Variants in GLMN observed in about 807,000 individuals in gnomAD.
The protein encoded by GLMN is glomulin, FKBP associated protein, also known as glomulin.
Under a neutral mutation model 87.8 loss-of-function variants are expected in GLMN, and 75 were observed. That is an observed-to-expected ratio of 0.85 (90% CI 0.71 to 1.04). GLMN has a LOEUF of 1.04. Ranked by LOEUF, GLMN falls within the 50% of genes least tolerant of loss-of-function variation. The pLI is 0.00. For synonymous variants in GLMN, 206 were observed against 221.6 expected (o/e 0.93, Z 0.63); for missense variants, 588 against 658.8 (o/e 0.89, Z 1.18).
At chr1:92,277,677 A>C (rs1647447573) in intron 7 of GLMN, among the ~76,000 whole-genome samples, 1 of 152,236 alleles carries the variant, frequency 6.6e-6, no homozygotes, top group Non-Finnish European at 1.5e-5. Flanking sequence ...GATTGGATTC[A>C]GAAAGCTTCT....
chr1:92,333,314 AT>A, the GLMN span: 1 of 1,151,798 alleles, frequency 8.7e-7, no homozygotes, highest in Non-Finnish European at 1.3e-6. Flanking sequence ...TTGTGTTTTA[AT>A]GTTTATTGTT....
At chr1:92,336,512 A>T in the GLMN span, 1 of 876,442 alleles carries the variant, frequency 1.1e-6, no homozygotes, top group Non-Finnish European at 1.9e-6. Flanking sequence ...AGAGAAAGTA[A>T]GTGACTTACC....
At chr1:92,254,726 C>T (rs1254559528) in intron 16 of GLMN, among the ~76,000 whole-genome samples, 2 of 152,120 alleles carry the variant, frequency 1.3e-5, no homozygotes, top group African/African-American at 4.8e-5. Flanking sequence ...ATTTTTGTCA[C>T]CACCAGGCCT....
At chr1:92,247,232 CAT>C (rs1455866435) in intron 17 of GLMN, 88 bp from the exon 18 acceptor site, 6 of 771,328 alleles carry the variant, frequency 7.8e-6, no homozygotes, top group African/African-American at 6.8e-5. Context: ...TAACTTAAAA[CAT>C]GTCAGTTATT....
chr1:92,352,590 A>C, the GLMN span, among the ~76,000 whole-genome samples: 1 of 152,230 alleles, frequency 6.6e-6, no homozygotes, highest in Admixed American at 6.5e-5. Flanking sequence ...ATTTAATTTT[A>C]GGTATCTGAG....
intron 1 of GLMN, among the ~76,000 whole-genome samples, chr1:92,298,278 T>G (rs557017402): frequency 3.2e-4 from 49 of 152,194 alleles, no homozygotes; most frequent in African/African-American, 1.1e-3. Context: ...TTGCATGTTT[T>G]AAGTTTTCTA....
chr1:92,334,253 T>C, the GLMN span, among the ~76,000 whole-genome samples: 1 of 152,350 alleles, frequency 6.6e-6, no homozygotes, highest in East Asian at 1.9e-4. Flanking sequence ...AATTATGGTA[T>C]AGGAGTTTTT....
At chr1:92,280,960 G>A (rs891996473) in intron 7 of GLMN, among the ~76,000 whole-genome samples, 1 of 152,132 alleles carries the variant, frequency 6.6e-6, no homozygotes, top group Non-Finnish European at 1.5e-5. Context: ...AAGAAATATG[G>A]GACTATGTGA....
At chr1:92,294,642 T>TA (rs1649813126) in intron 3 of GLMN, among the ~76,000 whole-genome samples, 1 of 152,156 alleles carries the variant, frequency 6.6e-6, no homozygotes, top group Admixed American at 6.5e-5. Context: ...TCAATTTTGA[T>TA]AGTGTCACCT....
chr1:92,310,636 G>A, the GLMN span, among the ~76,000 whole-genome samples: 1 of 151,948 alleles, frequency 6.6e-6, no homozygotes, highest in Admixed American at 6.6e-5. Context: ...GGTGACTCAC[G>A]CCCGTAATCC....
the GLMN span, among the ~76,000 whole-genome samples, chr1:92,342,107 G>T: frequency 2.0e-5 from 3 of 152,190 alleles, no homozygotes; most frequent in Non-Finnish European, 2.9e-5. Context: ...CTAATAGAGG[G>T]AGTACAAAAA....
chr1:92,307,241 TCCCAAAA>T, the GLMN span: 1 of 1,612,932 alleles, frequency 6.2e-7, no homozygotes, highest in Non-Finnish European at 8.5e-7. Flanking sequence ...AAGCACAAAT[TCCCAAAA>T]CTCCAGTATG....
At chr1:92,322,111 A>G in the GLMN span, among the ~76,000 whole-genome samples, 1 of 151,322 alleles carries the variant, frequency 6.6e-6, no homozygotes, top group African/African-American at 2.4e-5. Context: ...ACTCCTGGCT[A>G]ATTTTTGTAT....
At chr1:92,315,098 C>G in the GLMN span, among the ~76,000 whole-genome samples, 61 of 151,022 alleles carry the variant, frequency 4.0e-4, 1 homozygote, top group African/African-American at 1.5e-3. Flanking sequence ...GAGGTCTTGT[C>G]TTGTTGCAGT....
chr1:92,304,362 G>C, the GLMN span: 2 of 1,450,556 alleles, frequency 1.4e-6, no homozygotes, highest in South Asian at 1.3e-5. Flanking sequence ...GAGTTTAAAG[G>C]CTTTCATTGT....
intron 8 of GLMN, among the ~76,000 whole-genome samples, chr1:92,271,041 A>C (rs1288711409): frequency 3.9e-5 from 6 of 152,334 alleles, no homozygotes; most frequent in African/African-American, 1.4e-4. Flanking sequence ...GTTTTCAGTA[A>C]GGGACTTCTT....
At chr1:92,269,345 A>C (rs980592955) in intron 9 of GLMN, among the ~76,000 whole-genome samples, 1 of 152,124 alleles carries the variant, frequency 6.6e-6, no homozygotes, top group African/African-American at 2.4e-5. Context: ...CAATTCACAG[A>C]CTGTGTCCAT....
chr1:92,348,457 A>C, the GLMN span, among the ~76,000 whole-genome samples: 1 of 152,020 alleles, frequency 6.6e-6, no homozygotes, highest in Admixed American at 6.5e-5. Flanking sequence ...GATAATTCTA[A>C]CTTTTGCTCT....
upstream of GLMN, chr1:92,303,882 C>A: frequency 1.4e-6 from 1 of 740,312 alleles, no homozygotes; most frequent in South Asian, 2.2e-5. Context: ...TATTGCTATC[C>A]CTGTGTTTTC....
Sources: allele counts gnomAD v4.1 joint callset (sites outside exome capture counted in the v4.1 genomes callset), GRCh38; gene constraint gnomAD v4.1.1; transcripts MANE v1.5; gene names NCBI Gene and HGNC (gene_info 2026-07-23, HGNC 2026-07-21).